The following SPECC1L variants were observed in gnomAD, a reference collection of about 807,000 sequenced individuals.
SPECC1L encodes the protein sperm antigen with calponin homology and coiled-coil domains 1 like, also known as cytospin-A.
In SPECC1L, 40 loss-of-function variants were observed where a neutral mutation model predicts 116.8. The observed-to-expected ratio is 0.34, with a 90% confidence interval of 0.27 to 0.45. The LOEUF (loss-of-function observed/expected upper bound fraction) is 0.45. SPECC1L is among the 20% of genes least tolerant of loss of function. SPECC1L has a pLI of 1.00. For missense variants in SPECC1L, 1,110 were observed against 1,373.6 expected (o/e 0.81, Z 3.03); for synonymous variants, 504 against 500.6 (o/e 1.01, Z -0.09).
chr22:24,317,769 G>A (rs1601544903), intron 4 of SPECC1L, among the ~76,000 whole-genome samples: 1 of 150,318 alleles, frequency 6.7e-6, no homozygotes, highest in East Asian at 2.0e-4. Context: ...CTCAGACGGG[G>A]CGGCTGCTGG....
At chr22:24,370,057 A>G (rs1215559317) in intron 14 of SPECC1L, among the ~76,000 whole-genome samples, 2 of 152,248 alleles carry the variant, frequency 1.3e-5, no homozygotes, top group African/African-American at 2.4e-5. Flanking sequence ...ATGGAGTTCT[A>G]TGTTCCTGAT....
intron 14 of SPECC1L, among the ~76,000 whole-genome samples, chr22:24,405,272 G>A (rs758260300): frequency 3.3e-5 from 5 of 152,284 alleles, no homozygotes; most frequent in Non-Finnish European, 5.9e-5. Context: ...GAGAAGGGGA[G>A]AAGGAGGGAA....
chr22:24,386,831 C>A (rs2042169260), intron 14 of SPECC1L, among the ~76,000 whole-genome samples: 1 of 152,120 alleles, frequency 6.6e-6, no homozygotes, highest in Non-Finnish European at 1.5e-5. Flanking sequence ...GTCTTAATCT[C>A]CTGACCTTGT....
chr22:24,413,794 CAA>C, intron 16 of SPECC1L, among the ~76,000 whole-genome samples: 1 of 152,264 alleles, frequency 6.6e-6, no homozygotes, highest in East Asian at 1.9e-4. Context: ...TTTTCTGCAT[CAA>C]GTCACCAAGG....
intron 3 of SPECC1L, among the ~76,000 whole-genome samples, chr22:24,304,690 C>T (rs1349201385): frequency 6.6e-6 from 1 of 152,182 alleles, no homozygotes; most frequent in Non-Finnish European, 1.5e-5. Context: ...CTAAAAATTA[C>T]AGACATGAAT....
At chr22:24,359,272 T>G (rs1187176934) in intron 11 of SPECC1L, among the ~76,000 whole-genome samples, 1 of 152,150 alleles carries the variant, frequency 6.6e-6, no homozygotes, top group Non-Finnish European at 1.5e-5. Flanking sequence ...ACCAGTAACC[T>G]CCATGTCACC....
chr22:24,409,155 T>A (rs1320281817), intron 14 of SPECC1L, among the ~76,000 whole-genome samples: 1 of 152,202 alleles, frequency 6.6e-6, no homozygotes, highest in Non-Finnish European at 1.5e-5. Context: ...AATAATATAA[T>A]GATAATAATA....
At chr22:24,408,376 G>T (rs6004147) in intron 14 of SPECC1L, among the ~76,000 whole-genome samples, 189 of 152,380 alleles carry the variant, frequency 1.2e-3, no homozygotes, top group African/African-American at 4.1e-3. Context: ...CATGGAGGGC[G>T]GGCCAGGCCT....
At chr22:24,406,974 T>G (rs1446730361) in intron 14 of SPECC1L, among the ~76,000 whole-genome samples, 1 of 152,184 alleles carries the variant, frequency 6.6e-6, no homozygotes. Context: ...AGGAACCCCT[T>G]TTTCAGAGCC....
Position 24,322,643 on chromosome 22 carries a change from A to G in SPECC1L, c.1663A>G (p.Lys555Glu). 1 of 1,613,968 alleles carries G rather than the reference A, an allele frequency of 6.2e-7. No homozygotes were observed. The highest frequency in any genetic ancestry group is 8.5e-7 in the Non-Finnish European group (1 of 1,179,974). Reference protein sequence around the residue: ...ERIIESEQKGKAALAATLEEY... With the variant: ...ERIIESEQKGEAALAATLEEY... ...AATTATTGAGTCTGAGCAGAAAGGA[A>G]AAGCAGCCTTGGCAGCCACGTTAGA... is the stretch of plus-strand genomic sequence containing the variant. The change falls in exon 5 of 17, where the codon AAA becomes GAA. Residue 555 changes from lysine (K) to glutamate (E), a missense_variant. Around this residue, in one of 4 missense-constraint regions of SPECC1L, gnomAD observed 575 missense variants for 682.4 expected, o/e 0.84. Coordinates refer to ENST00000314328, the MANE Select transcript of SPECC1L (RefSeq NM_015330.6).
chr22:24,382,442 C>G (rs1238394909), intron 14 of SPECC1L, among the ~76,000 whole-genome samples: 3 of 152,028 alleles, frequency 2.0e-5, no homozygotes, highest in African/African-American at 7.3e-5. Context: ...CGGTGGCTCC[C>G]GCCTGTAATC....
At chr22:24,344,115 C>G (rs2041239178) in intron 10 of SPECC1L, among the ~76,000 whole-genome samples, 1 of 152,050 alleles carries the variant, frequency 6.6e-6, no homozygotes, top group South Asian at 2.1e-4. Context: ...TTTTAGGAAG[C>G]TAGCATTACC....
intron 6 of SPECC1L, among the ~76,000 whole-genome samples, chr22:24,328,261 A>C (rs2040870072): frequency 6.6e-6 from 1 of 152,196 alleles, no homozygotes. Context: ...TTTAGAGTGA[A>C]TGAAATTGTT....
intron 8 of SPECC1L, among the ~76,000 whole-genome samples, chr22:24,333,275 G>A (rs1016097164): frequency 3.3e-5 from 5 of 152,122 alleles, no homozygotes; most frequent in Non-Finnish European, 7.4e-5. Flanking sequence ...ATGACCTTAA[G>A]AGCCTGTGGT....
chr22:24,375,025 A>G (rs2041945228), intron 14 of SPECC1L, among the ~76,000 whole-genome samples: 1 of 152,158 alleles, frequency 6.6e-6, no homozygotes, highest in Admixed American at 6.6e-5. Context: ...TTAAGAAATA[A>G]AAAGGATTAA....
At chr22:24,346,500 G>T (rs1030246262) in intron 10 of SPECC1L, among the ~76,000 whole-genome samples, 2 of 152,178 alleles carry the variant, frequency 1.3e-5, no homozygotes, top group African/African-American at 4.8e-5. Context: ...GAGCACATCT[G>T]CATTTTATTT....
chr22:24,327,306 C>G (rs1341122370), intron 6 of SPECC1L, among the ~76,000 whole-genome samples: 1 of 133,952 alleles, frequency 7.5e-6, no homozygotes, highest in Non-Finnish European at 1.6e-5. Flanking sequence ...AAAAAAACAT[C>G]AGAACACACA....
At chr22:24,383,815 T>C (rs2042109596) in intron 14 of SPECC1L, among the ~76,000 whole-genome samples, 2 of 66,708 alleles carry the variant, frequency 3.0e-5, no homozygotes, top group Non-Finnish European at 7.2e-5. Flanking sequence ...TTTTTTTTTT[T>C]TTTTTTTTTT....
rs769986955 is a variant in SPECC1L at position 24,321,303 on chromosome 22, C to G, written c.323C>G (p.Thr108Ser). The G allele has an allele frequency of 2.5e-6, 4 of 1,613,888 alleles. No individual in the cohort carries two copies. The highest frequency in any genetic ancestry group is 2.5e-6 in the Non-Finnish European group (3 of 1,180,040). Residue 108 changes from threonine (T) to serine (S), a missense_variant, in exon 5 of 17, where the codon ACC (threonine) becomes AGC (serine). Physicochemically the swap from Thr to Ser is moderately conservative, Grantham distance 58 (BLOSUM62 1). Transcript: ENST00000314328. ...SKISTGTASS[T>S]KRSTSTGNKE... ...AAACACATAGGCACAGCTTCTTCAA[C>G]CAAGCGGAGCACTTCTACAGGTAAT...
Sources: gnomAD v4.1 joint callset for allele counts (sites outside exome capture counted in the v4.1 genomes callset) on GRCh38, gnomAD v4.1.1 for gene constraint, gnomAD v4.1.1 regional missense constraint, MANE v1.5 for transcripts, NCBI Gene and HGNC (gene_info 2026-07-23, HGNC 2026-07-21) for gene names.